Variants in SLX4IP observed in about 807,000 individuals in gnomAD.
SLX4IP encodes SLX4 interacting protein.
In SLX4IP, 34 loss-of-function variants were observed where a neutral mutation model predicts 32.9. That is an observed-to-expected ratio of 1.03 (90% CI 0.79 to 1.38). The LOEUF is 1.38. SLX4IP is among the 40% of genes most tolerant of loss of function. The pLI is 0.00. For missense variants in SLX4IP, 444 were observed against 479.0 expected, an observed-to-expected ratio of 0.93 and a Z score of 0.68; for synonymous variants, 172 against 171.7, an observed-to-expected ratio of 1.00 and a Z score of -0.01.
In SLX4IP at chr20:10,579,405, G is replaced by GTTTCTTTTTTTTCTTTTCTTT. The variant is rs1014830932; in HGVS notation, c.238+18603_238+18623dup. Among the ~76,000 whole-genome samples the GTTTCTTTTTTTTCTTTTCTTT allele has an allele frequency of 2.8e-4, 42 of 151,784 alleles. 1 individual carries two copies. Among genetic ancestry groups the GTTTCTTTTTTTTCTTTTCTTT allele is most frequent in the African/African-American group, 9.9e-4 (41 of 41,400 alleles). Reference sequence around the variant, plus strand: ...TGTTTATTTCTGGACTCTCAATTCTGTTTCTTTTTTTTCTTTTCTTTTTTC... The same window carrying GTTTCTTTTTTTTCTTTTCTTT: ...TGTTTATTTCTGGACTCTCAATTCTGTTTCTTTTTTTTCTTTTCTTTTTTCTTTTTTTTCTTTTCTTTTTTC... On this transcript the variant is annotated intron_variant, in intron 4 of 7. Transcript: ENST00000334534.
intron 2 of SLX4IP, among the ~76,000 whole-genome samples, chr20:10,548,430 G>A (rs1265672886): frequency 2.6e-5 from 4 of 152,016 alleles, no homozygotes; most frequent in Non-Finnish European, 4.4e-5. Flanking sequence ...TAGTAGAGAC[G>A]GGGTTTCACC....
intron 2 of SLX4IP, among the ~76,000 whole-genome samples, chr20:10,475,216 T>A (rs1379288695): frequency 6.6e-6 from 1 of 152,210 alleles, no homozygotes; most frequent in African/African-American, 2.4e-5. Flanking sequence ...TGTATTGAGG[T>A]CATGCATAGA....
intron 2 of SLX4IP, among the ~76,000 whole-genome samples, chr20:10,495,639 G>A (rs1419566513): frequency 6.6e-6 from 1 of 152,068 alleles, no homozygotes; most frequent in Non-Finnish European, 1.5e-5. Context: ...GTATGTTGAA[G>A]CTGCACTGCT....
intron 2 of SLX4IP, among the ~76,000 whole-genome samples, chr20:10,476,882 C>T (rs957760977): frequency 6.6e-6 from 1 of 152,168 alleles, no homozygotes; most frequent in African/African-American, 2.4e-5. Context: ...TTTAAATTAA[C>T]TAGTATTCAA....
intron 2 of SLX4IP, among the ~76,000 whole-genome samples, chr20:10,499,523 G>A (rs1013904299): frequency 5.3e-5 from 8 of 152,236 alleles, no homozygotes; most frequent in Admixed American, 5.2e-4. Context: ...AGTGTCTGTT[G>A]TATGAATGAT....
intron 2 of SLX4IP, among the ~76,000 whole-genome samples, chr20:10,516,420 A>G (rs2065850159): frequency 6.6e-6 from 1 of 152,222 alleles, no homozygotes; most frequent in South Asian, 2.1e-4. Context: ...AAGCTGAGGT[A>G]TGATTCTAAG....
chr20:10,561,127 A>G (rs1027372183), intron 4 of SLX4IP, among the ~76,000 whole-genome samples: 5 of 152,208 alleles, frequency 3.3e-5, no homozygotes, highest in Admixed American at 2.6e-4. Context: ...GTACACATTC[A>G]TAGGATACAG....
At chr20:10,501,069 G>A (rs1437582976) in intron 2 of SLX4IP, among the ~76,000 whole-genome samples, 1 of 152,112 alleles carries the variant, frequency 6.6e-6, no homozygotes, top group Admixed American at 6.5e-5. Flanking sequence ...CTAGTTGGTG[G>A]CTTAGTTACA....
At chr20:10,505,569 C>A (rs2065752363) in intron 2 of SLX4IP, among the ~76,000 whole-genome samples, 1 of 152,180 alleles carries the variant, frequency 6.6e-6, no homozygotes, top group Non-Finnish European at 1.5e-5. Flanking sequence ...CGCCTCTCAT[C>A]TCTCTCATGT....
intron 4 of SLX4IP, among the ~76,000 whole-genome samples, chr20:10,584,206 G>T (rs2066618962): frequency 6.6e-6 from 1 of 152,188 alleles, no homozygotes; most frequent in Non-Finnish European, 1.5e-5. Context: ...AAGAAGGCAT[G>T]AGACCGGTTC....
At chr20:10,516,688 GTAATAA>G (rs2065852518) in intron 2 of SLX4IP, among the ~76,000 whole-genome samples, 2 of 152,210 alleles carry the variant, frequency 1.3e-5, no homozygotes, top group South Asian at 4.1e-4. Flanking sequence ...GAAATATCAA[GTAATAA>G]TAAGTTTGCT....
chr20:10,465,607 G>A (rs2065374248), intron 2 of SLX4IP, among the ~76,000 whole-genome samples: 2 of 152,242 alleles, frequency 1.3e-5, no homozygotes, highest in Admixed American at 1.3e-4. Flanking sequence ...CCAGGTTCAA[G>A]TGATTCTCTT....
intron 2 of SLX4IP, among the ~76,000 whole-genome samples, chr20:10,503,222 T>C (rs778553389): frequency 6.6e-6 from 1 of 152,204 alleles, no homozygotes; most frequent in African/African-American, 2.4e-5. Flanking sequence ...GTGTATATGA[T>C]GCAGTCCTTC....
chr20:10,549,445 T>G (rs1347757666), intron 2 of SLX4IP, among the ~76,000 whole-genome samples: 1 of 152,150 alleles, frequency 6.6e-6, no homozygotes, highest in Non-Finnish European at 1.5e-5. Flanking sequence ...CCTGGTGCAG[T>G]CACCAGGCAC....
chr20:10,508,154 T>C (rs1600942333), intron 2 of SLX4IP, among the ~76,000 whole-genome samples: 1 of 152,186 alleles, frequency 6.6e-6, no homozygotes, highest in Non-Finnish European at 1.5e-5. Context: ...ACTTGGCAGG[T>C]TGTGGCCCAG....
In SLX4IP at chr20:10,444,641, G is replaced by A. The variant is rs572892271; in HGVS notation, c.-30+9188G>A. Among the ~76,000 whole-genome samples the A allele has an allele frequency of 7.9e-5, 12 of 152,298 alleles. No homozygotes were observed. In the East Asian group the frequency reaches 2.3e-3, roughly 29 times the overall value. On this transcript the variant is annotated intron_variant, in intron 1 of 7. Coordinates refer to ENST00000334534, the MANE Select transcript of SLX4IP (RefSeq NM_001009608.3). ...TCCGCCCGCCTCAGCCTCCCAAAGTGCTGGGATTACAGACATGAGCCACCG... is the reference window on the plus strand; with the variant it reads ...TCCGCCCGCCTCAGCCTCCCAAAGTACTGGGATTACAGACATGAGCCACCG...
intron 2 of SLX4IP, among the ~76,000 whole-genome samples, chr20:10,526,313 C>T (rs2065940421): frequency 6.6e-6 from 1 of 152,184 alleles, no homozygotes; most frequent in Non-Finnish European, 1.5e-5. Flanking sequence ...TTAGCTCTTG[C>T]TCAACTTTGG....
At chr20:10,441,648 T>C (rs1177236246) in intron 1 of SLX4IP, among the ~76,000 whole-genome samples, 2 of 152,164 alleles carry the variant, frequency 1.3e-5, no homozygotes, top group Admixed American at 1.3e-4. Flanking sequence ...TTACATTTAG[T>C]GACAAAGGAT....
intron 2 of SLX4IP, among the ~76,000 whole-genome samples, chr20:10,518,465 TTC>T (rs1568720166): frequency 1.7e-4 from 8 of 45,744 alleles, no homozygotes; most frequent in Admixed American, 4.6e-4. Context: ...CTTCCTTCCT[TTC>T]CTTTCTTTTC....
Sources: allele counts gnomAD v4.1 joint callset (sites outside exome capture counted in the v4.1 genomes callset), GRCh38; gene constraint gnomAD v4.1.1; transcripts MANE v1.5; gene names NCBI Gene and HGNC (gene_info 2026-07-23, HGNC 2026-07-21).